Variants in AKAP19 observed in about 807,000 individuals in gnomAD.
AKAP19 encodes the protein small A-kinase anchoring protein.
chr2:190,003,835 C>G, the AKAP19 span, among the ~76,000 whole-genome samples: 12 of 152,078 alleles, frequency 7.9e-5, 1 homozygote, highest in Admixed American at 5.9e-4. Context: ...CCACCGCACT[C>G]CAGCCTGGGC....
chr2:190,060,681 G>A, the AKAP19 span, among the ~76,000 whole-genome samples: 1 of 151,980 alleles, frequency 6.6e-6, no homozygotes, highest in Admixed American at 6.6e-5. Context: ...CCCTTCCAGA[G>A]AACTATGGAC....
At chr2:189,918,716 A>G in the AKAP19 span, among the ~76,000 whole-genome samples, 4 of 152,242 alleles carry the variant, frequency 2.6e-5, no homozygotes, top group Non-Finnish European at 5.9e-5. Context: ...AAATGTTCAT[A>G]GCAGCACTAT....
At chr2:189,898,234 G>A in the AKAP19 span, among the ~76,000 whole-genome samples, 1 of 151,742 alleles carries the variant, frequency 6.6e-6, no homozygotes, top group Non-Finnish European at 1.5e-5. Context: ...AGGAACTAAA[G>A]CAGCTTTTGG....
At chr2:189,990,205 T>C in the AKAP19 span, among the ~76,000 whole-genome samples, 1 of 152,198 alleles carries the variant, frequency 6.6e-6, no homozygotes, top group South Asian at 2.1e-4. Context: ...TTGCCTTGCT[T>C]TTTTTGATTT....
the AKAP19 span, among the ~76,000 whole-genome samples, chr2:189,960,858 A>G: frequency 6.6e-6 from 1 of 152,184 alleles, no homozygotes; most frequent in Non-Finnish European, 1.5e-5. Context: ...TACTGGGCCT[A>G]CAGAGATTCC....
chr2:190,070,080 G>C, the AKAP19 span, among the ~76,000 whole-genome samples: 69 of 152,054 alleles, frequency 4.5e-4, 1 homozygote, highest in Non-Finnish European at 7.8e-4. Context: ...AACAAATTAG[G>C]TCAGCGCTCA....
At chr2:189,963,319 C>T in the AKAP19 span, among the ~76,000 whole-genome samples, 5 of 151,330 alleles carry the variant, frequency 3.3e-5, no homozygotes, top group African/African-American at 7.3e-5. Context: ...CTCAGCCTCC[C>T]GAGTAGCTGG....
chr2:190,190,034 G>C, the AKAP19 span: 4 of 152,130 alleles, frequency 2.6e-5, no homozygotes, highest in African/African-American at 9.7e-5. Flanking sequence ...CCTGGATTTA[G>C]GTGCCCCAGA....
At chr2:189,991,932 AGCACCATTTGTT>A in the AKAP19 span, among the ~76,000 whole-genome samples, 1 of 152,098 alleles carries the variant, frequency 6.6e-6, no homozygotes, top group Non-Finnish European at 1.5e-5. Flanking sequence ...CAATTATCCC[AGCACCATTTGTT>A]GAATAGGGTG....
the AKAP19 span, among the ~76,000 whole-genome samples, chr2:189,980,976 A>G: frequency 2.0e-5 from 3 of 152,246 alleles, no homozygotes; most frequent in Non-Finnish European, 4.4e-5. Flanking sequence ...TCATGAGCAG[A>G]TGAGAAAAAT....
the AKAP19 span, among the ~76,000 whole-genome samples, chr2:190,091,539 T>C: frequency 1.1e-3 from 11 of 9,848 alleles, no homozygotes; most frequent in African/African-American, 3.4e-3. Flanking sequence ...GTTTATCCTC[T>C]TTTGTTAAAC....
the AKAP19 span, among the ~76,000 whole-genome samples, chr2:190,110,048 A>G: frequency 6.6e-6 from 1 of 152,206 alleles, no homozygotes; most frequent in Middle Eastern, 3.2e-3. Flanking sequence ...ATTTTTAACA[A>G]GTTCCCAGAT....
the AKAP19 span, among the ~76,000 whole-genome samples, chr2:190,069,175 T>TGTGTGTGTGTGTGTGAGA: frequency 4.3e-4 from 53 of 123,530 alleles, no homozygotes; most frequent in African/African-American, 1.6e-3. Context: ...TGTGTGTGTG[T>TGTGTGTGTGTGTGTGAGA]GAGAGAGAGA....
chr2:189,998,487 G>A, the AKAP19 span, among the ~76,000 whole-genome samples: 1 of 152,116 alleles, frequency 6.6e-6, no homozygotes, highest in East Asian at 1.9e-4. Flanking sequence ...ATTAATTTTT[G>A]GTAATTTGTA....
chr2:189,913,289 A>T, the AKAP19 span, among the ~76,000 whole-genome samples: 1 of 152,084 alleles, frequency 6.6e-6, no homozygotes. Flanking sequence ...TAATGGCCAA[A>T]TTAAAATATT....
chr2:189,972,039 G>A, the AKAP19 span, among the ~76,000 whole-genome samples: 1 of 152,002 alleles, frequency 6.6e-6, no homozygotes, highest in Non-Finnish European at 1.5e-5. Flanking sequence ...TTGGTGTTTT[G>A]ACATGAAGTC....
the AKAP19 span, among the ~76,000 whole-genome samples, chr2:189,949,233 C>T: frequency 3.3e-5 from 5 of 152,210 alleles, no homozygotes; most frequent in African/African-American, 9.6e-5. Context: ...ATGCAGAACC[C>T]GTAGATGTGG....
the AKAP19 span, among the ~76,000 whole-genome samples, chr2:190,024,000 C>A: frequency 6.6e-6 from 1 of 151,616 alleles, no homozygotes; most frequent in Non-Finnish European, 1.5e-5. Context: ...TTTTTTTGTA[C>A]CTATAAACGT....
At chr2:189,967,341 T>C in the AKAP19 span, among the ~76,000 whole-genome samples, 3 of 152,316 alleles carry the variant, frequency 2.0e-5, no homozygotes, top group African/African-American at 7.2e-5. Flanking sequence ...CCTTGTTGTA[T>C]ATCTACAGTT....
Sources: gnomAD v4.1 joint callset for allele counts (sites outside exome capture counted in the v4.1 genomes callset) on GRCh38, gnomAD v4.1.1 for gene constraint, MANE v1.5 for transcripts, NCBI Gene and HGNC (gene_info 2026-07-23, HGNC 2026-07-21) for gene names.